VRK2: variants seen among roughly 807,000 people sequenced by gnomAD.
The protein encoded by VRK2 is serine/threonine-protein kinase VRK2.
Under a neutral mutation model 57.6 loss-of-function variants are expected in VRK2, and 60 were observed. The observed-to-expected ratio is 1.04, with a 90% CI of 0.85 to 1.29. The LOEUF (loss-of-function observed/expected upper bound fraction) is 1.29, where lower values mean the gene tolerates loss of function less well. Among genes scored for constraint, VRK2 ranks in the 50% most tolerant of loss-of-function variants. The pLI is 0.00. For synonymous variants in VRK2, 231 were observed against 199.2 expected (o/e 1.16, Z -1.35); for missense variants, 705 against 588.1 (o/e 1.20, Z -2.06).
intron 12 of VRK2, among the ~76,000 whole-genome samples, chr2:58,158,744 TGC>T (rs1419361750): frequency 1.3e-5 from 2 of 152,258 alleles, no homozygotes; most frequent in African/African-American, 4.8e-5. Flanking sequence ...TCCCGAAACT[TGC>T]ATAAGTAACC....
chr2:58,143,132 C>A (rs1388018794), intron 11 of VRK2, among the ~76,000 whole-genome samples: 1 of 151,832 alleles, frequency 6.6e-6, no homozygotes, highest in Non-Finnish European at 1.5e-5. Context: ...CAAAATAATT[C>A]TATGAACTTC....
chr2:58,057,897 A>G (rs544300553), intron 2 of VRK2, among the ~76,000 whole-genome samples: 18 of 152,258 alleles, frequency 1.2e-4, no homozygotes, highest in Non-Finnish European at 2.4e-4. Context: ...CAGTGCTGCA[A>G]AGGAGCAAGA....
At chr2:57,914,391 A>C (rs1670083717) in intron 1 of VRK2, among the ~76,000 whole-genome samples, 1 of 152,078 alleles carries the variant, frequency 6.6e-6, no homozygotes, top group African/African-American at 2.4e-5. Flanking sequence ...TGTAGGACTA[A>C]TAATATAACT....
At chr2:58,118,235 G>A (rs2104457106) in intron 7 of VRK2, among the ~76,000 whole-genome samples, 1 of 152,236 alleles carries the variant, frequency 6.6e-6, no homozygotes, top group East Asian at 1.9e-4. Flanking sequence ...CCCCAGAAAA[G>A]CGGGACTTGC....
intron 7 of VRK2, among the ~76,000 whole-genome samples, chr2:58,101,687 G>A (rs145403042): frequency 4.0e-4 from 61 of 151,482 alleles, no homozygotes; most frequent in Non-Finnish European, 6.5e-4. Flanking sequence ...ATCTCTCATA[G>A]CCTCTGTCTG....
intron 2 of VRK2, among the ~76,000 whole-genome samples, chr2:58,054,053 T>C (rs1458505559): frequency 6.6e-6 from 1 of 152,114 alleles, no homozygotes; most frequent in Non-Finnish European, 1.5e-5. Context: ...ATAAGATGTA[T>C]TTTAATTTTG....
intron 1 of VRK2, among the ~76,000 whole-genome samples, chr2:57,921,980 C>T (rs905326429): frequency 1.3e-5 from 2 of 152,028 alleles, no homozygotes; most frequent in Admixed American, 6.6e-5. Context: ...TTTTGTTCCT[C>T]GTTATTTGCT....
intron 1 of VRK2, among the ~76,000 whole-genome samples, chr2:57,962,302 C>T (rs1359174620): frequency 2.0e-5 from 3 of 152,114 alleles, no homozygotes; most frequent in South Asian, 2.1e-4. Flanking sequence ...AGAGACAATT[C>T]GTGGGCTAGG....
chr2:58,122,530 A>G (rs1005587828), intron 7 of VRK2, among the ~76,000 whole-genome samples: 9 of 152,346 alleles, frequency 5.9e-5, no homozygotes, highest in Admixed American at 5.2e-4. Flanking sequence ...GTGGAAGTGG[A>G]TCATCATGAA....
chr2:58,005,063 A>C (rs1673201655), intron 1 of VRK2, among the ~76,000 whole-genome samples: 1 of 152,164 alleles, frequency 6.6e-6, no homozygotes, highest in African/African-American at 2.4e-5. Flanking sequence ...ACATTCATGC[A>C]ATGAAGAAAG....
Position 57,972,506 on chromosome 2 carries a change from C to T in VRK2, c.-438-53159C>T, listed in dbSNP as rs149140395. ...CATTATTTTGGTCTTTAGCATATAA[C>T]CCATTAAGAAAGTTTAGCCAGTTTA... On this transcript the variant is annotated intron_variant, in intron 1 of 15. Transcript: ENST00000417641. Among the ~76,000 whole-genome samples the T allele has an allele frequency of 2.4e-4, 36 of 151,816 alleles. 1 individual carries two copies. In the East Asian group the frequency reaches 4.1e-3, roughly 17 times the overall value.
intron 8 of VRK2, among the ~76,000 whole-genome samples, chr2:58,131,109 C>A (rs143223303): frequency 4.1e-4 from 63 of 151,834 alleles, no homozygotes; most frequent in African/African-American, 1.5e-3. Flanking sequence ...TTTGGCTCTC[C>A]CCCCAGCCTC....
At chr2:58,086,280 G>A (rs768650608) in intron 4 of VRK2, 59 bp from the exon 5 acceptor site, 4 of 1,429,518 alleles carry the variant, frequency 2.8e-6, no homozygotes, top group Non-Finnish European at 3.9e-6. Flanking sequence ...TCTGTAGAAA[G>A]GTGACAAGTA....
chr2:57,925,991 G>C (rs1048284678), intron 1 of VRK2, among the ~76,000 whole-genome samples: 1 of 151,764 alleles, frequency 6.6e-6, no homozygotes, highest in Non-Finnish European at 1.5e-5. Flanking sequence ...TTGACCCACT[G>C]GTCATTCAGG....
At chr2:58,117,357 A>G (rs1213150452) in intron 7 of VRK2, among the ~76,000 whole-genome samples, 2 of 152,114 alleles carry the variant, frequency 1.3e-5, no homozygotes, top group Non-Finnish European at 2.9e-5. Context: ...ACAGAAGGAA[A>G]CTGTAAGCCG....
chr2:58,129,182 C>A (rs1678803852), intron 8 of VRK2, among the ~76,000 whole-genome samples: 1 of 152,100 alleles, frequency 6.6e-6, no homozygotes, highest in Non-Finnish European at 1.5e-5. Context: ...TAAGTAAACA[C>A]TTCATTTTAG....
intron 1 of VRK2, among the ~76,000 whole-genome samples, chr2:57,946,341 A>T (rs1405095757): frequency 6.6e-6 from 1 of 152,102 alleles, no homozygotes; most frequent in Non-Finnish European, 1.5e-5. Flanking sequence ...GGAAATTTCA[A>T]CTTTTTATGA....
intron 1 of VRK2, among the ~76,000 whole-genome samples, chr2:57,923,442 A>AC (rs1315906305): frequency 2.0e-5 from 3 of 150,874 alleles, no homozygotes; most frequent in Non-Finnish European, 4.4e-5. Context: ...TGAGATGATA[A>AC]CTCTTTGTAG....
intron 7 of VRK2, among the ~76,000 whole-genome samples, chr2:58,116,804 G>T (rs1452149662): frequency 6.6e-6 from 1 of 152,214 alleles, no homozygotes; most frequent in Non-Finnish European, 1.5e-5. Context: ...CGCACAGATG[G>T]GACACGGCTT....
Sources: allele counts gnomAD v4.1 joint callset (sites outside exome capture counted in the v4.1 genomes callset), GRCh38; gene constraint gnomAD v4.1.1; transcripts MANE v1.5; gene names NCBI Gene and HGNC (gene_info 2026-07-23, HGNC 2026-07-21).